Variants in EML4 observed in about 807,000 individuals in gnomAD.
EML4 encodes echinoderm microtubule-associated protein-like 4.
Under a neutral mutation model 129.0 loss-of-function variants are expected in EML4, and 72 were observed. The observed-to-expected ratio is 0.56, with a 90% confidence interval of 0.46 to 0.68. The LOEUF (loss-of-function observed/expected upper bound fraction) is 0.68. EML4 is among the 30% of genes least tolerant of loss of function. The pLI is 0.00. For missense variants in EML4, 1,363 were observed against 1,190.6 expected (o/e 1.14, Z -2.13); for synonymous variants, 532 against 405.0 (o/e 1.31, Z -3.77).
At chr2:42,198,955 G>A (rs570875859) in intron 1 of EML4, among the ~76,000 whole-genome samples, 1 of 152,296 alleles carries the variant, frequency 6.6e-6, no homozygotes, top group East Asian at 1.9e-4. Context: ...AGTGGTTTGG[G>A]AAGACCCAGG....
chr2:42,325,154 A>G (rs1669718825), intron 19 of EML4: 4 of 521,146 alleles, frequency 7.7e-6, no homozygotes, highest in South Asian at 1.4e-5. Context: ...GTGACGTGAA[A>G]TAAGGCCAGA....
chr2:42,174,591 C>G (rs1427161521), intron 1 of EML4, among the ~76,000 whole-genome samples: 1 of 152,060 alleles, frequency 6.6e-6, no homozygotes, highest in Non-Finnish European at 1.5e-5. Context: ...CTGTGCCTGA[C>G]CCTGTAGTAT....
At position 42,303,449 on chromosome 2, in the gene EML4, G is replaced by A; in HGVS notation, c.1899+3G>A. ...TGGAATGGACCAGGCTGGTAGATGT[G>A]AGTGAAGCAGGATGTGATTATTAAC... is the stretch of plus-strand genomic sequence containing the variant. On this transcript the variant is annotated splice_donor_region_variant and intron_variant, in intron 16 of 22. Coordinates refer to ENST00000318522, the MANE Select transcript of EML4 (RefSeq NM_019063.5). 1.2e-6 allele frequency: 2 copies of A among 1,612,950 alleles called. No individual in the cohort carries two copies. The highest frequency in any genetic ancestry group is 1.7e-6 in the Non-Finnish European group (2 of 1,179,356).
intron 8 of EML4, among the ~76,000 whole-genome samples, chr2:42,284,145 G>A (rs1222931155): frequency 6.6e-6 from 1 of 152,244 alleles, no homozygotes; most frequent in Non-Finnish European, 1.5e-5. Flanking sequence ...AAAGCACTAT[G>A]TGTGAAGATG....
intron 1 of EML4, among the ~76,000 whole-genome samples, chr2:42,241,193 G>GT (rs1159917215): frequency 6.6e-6 from 1 of 152,066 alleles, no homozygotes; most frequent in Non-Finnish European, 1.5e-5. Context: ...TTTAGTCAGT[G>GT]TAATACCAGA....
At chr2:42,278,936 G>GGA (rs1666844724) in intron 6 of EML4, among the ~76,000 whole-genome samples, 1 of 148,562 alleles carries the variant, frequency 6.7e-6, no homozygotes, top group African/African-American at 2.5e-5. Flanking sequence ...AACTCTCTTG[G>GGA]AAAAAAAAAA....
intron 17 of EML4, among the ~76,000 whole-genome samples, chr2:42,312,763 C>T (rs923221620): frequency 2.7e-5 from 4 of 150,782 alleles, no homozygotes; most frequent in East Asian, 2.0e-4. Flanking sequence ...CCTTGTTAGC[C>T]AGGGTGGGCT....
intron 17 of EML4, among the ~76,000 whole-genome samples, chr2:42,307,168 A>G (rs572337839): frequency 5.8e-4 from 88 of 152,358 alleles, no homozygotes; most frequent in African/African-American, 2.1e-3. Flanking sequence ...ACAAATAGAC[A>G]TACACGGCCC....
chr2:42,329,943 A>T lies in EML4; in HGVS notation c.2682A>T (p.Gln894His). The T allele has an allele frequency of 6.2e-7, 1 of 1,613,894 alleles. No homozygotes were observed. Among genetic ancestry groups the T allele is most frequent in the Non-Finnish European group, 8.5e-7 (1 of 1,179,974 alleles). ...TCTCTTCCACTGAAAGTGTCATCCA[A>T]TCTAATACTCCCACACCGCCTCCTT... ...APVSSTESVIQSNTPTPPPSQ... is the reference protein window; with the variant it reads ...APVSSTESVIHSNTPTPPPSQ... Residue 894 changes from glutamine to histidine, a missense_variant, in exon 23 of 23, where the codon CAA becomes CAT. Transcript: ENST00000318522.
At chr2:42,300,584 T>C (rs1421593902) in intron 13 of EML4, among the ~76,000 whole-genome samples, 1 of 152,190 alleles carries the variant, frequency 6.6e-6, no homozygotes, top group Non-Finnish European at 1.5e-5. Flanking sequence ...TCAAAAGCCA[T>C]CACTGCAGGT....
At position 42,329,796 on chromosome 2, in the gene EML4, T is replaced by A. The variant is rs780390775; in HGVS notation, c.2535T>A (p.Asn845Lys). Residue 845 changes from asparagine to lysine, a missense_variant, in exon 23 of 23, where the codon AAT becomes AAA. Transcript: ENST00000318522. ...SHVTNVSFTHNDSHLISTGGK... is the reference protein window; with the variant it reads ...SHVTNVSFTHKDSHLISTGGK... ...TCACCAATGTCAGTTTTACTCACAA[T>A]GACAGTCACCTGATATCAACTGGTG... 1.2e-6 allele frequency: 2 copies of A among 1,614,066 alleles called. No homozygotes were observed. Among genetic ancestry groups the A allele is most frequent in the African/African-American group, 2.7e-5 (2 of 74,918 alleles).
chr2:42,304,024 C>T (rs533590018), intron 16 of EML4, among the ~76,000 whole-genome samples: 36 of 152,172 alleles, frequency 2.4e-4, no homozygotes, highest in Non-Finnish European at 5.1e-4. Context: ...ATCTACATAG[C>T]ATTAATTATT....
rs373726079 is a variant in EML4 at position 42,255,385 on chromosome 2, A to G, written c.209-1116A>G. ...CAGGCTGAGCCACCGCGCCCAGCCA[A>G]TGGATACATGGTTTCTATTTGGGGT... is the stretch of plus-strand genomic sequence containing the variant. On this transcript the variant is annotated intron_variant, in intron 2 of 22. Coordinates refer to ENST00000318522, the MANE Select transcript of EML4 (RefSeq NM_019063.5). Among the ~76,000 whole-genome samples, 282 of 152,210 alleles carry G rather than the reference A, an allele frequency of 1.9e-3. 1 individual carries two copies. Among genetic ancestry groups the G allele is most frequent in the African/African-American group, 5.8e-3 (241 of 41,552 alleles).
chr2:42,327,157 G>A (rs915022612), intron 21 of EML4, among the ~76,000 whole-genome samples: 1 of 152,162 alleles, frequency 6.6e-6, no homozygotes, highest in Admixed American at 6.5e-5. Context: ...GTTTATCCAC[G>A]TTGTAGCATA....
intron 19 of EML4, among the ~76,000 whole-genome samples, chr2:42,324,349 C>T (rs1484646173): frequency 6.6e-6 from 1 of 152,108 alleles, no homozygotes; most frequent in Non-Finnish European, 1.5e-5. Context: ...GATACAGTGG[C>T]TCATGCCAGT....
chr2:42,209,175 G>C (rs926102581), intron 1 of EML4, among the ~76,000 whole-genome samples: 1 of 152,126 alleles, frequency 6.6e-6, no homozygotes, highest in Admixed American at 6.5e-5. Flanking sequence ...GGAAACTCAA[G>C]GCCCTATATA....
chr2:42,246,386 G>A (rs115431967), intron 2 of EML4, among the ~76,000 whole-genome samples: 11 of 152,152 alleles, frequency 7.2e-5, no homozygotes, highest in African/African-American at 1.9e-4. Context: ...GGGGATAGGC[G>A]TGATTATGCC....
At chr2:42,190,800 A>G (rs1303040703) in intron 1 of EML4, among the ~76,000 whole-genome samples, 4 of 152,242 alleles carry the variant, frequency 2.6e-5, no homozygotes, top group Admixed American at 6.5e-5. Flanking sequence ...TAAACAAATG[A>G]GCCTGCTTGT....
chr2:42,330,119 T>C lies in EML4; in HGVS notation c.2858T>C (p.Leu953Pro). The C allele has an allele frequency of 6.2e-7, 1 of 1,612,368 alleles. No homozygotes were observed. The highest frequency in any genetic ancestry group is 8.5e-7 in the Non-Finnish European group (1 of 1,179,726). Residue 953 changes from leucine (L) to proline (P), a missense_variant, in exon 23 of 23, where the codon CTT (leucine) becomes CCT (proline). Physicochemically the swap from Leu to Pro is moderately conservative, Grantham distance 98. Transcript: ENST00000318522. ...GGCAGCGGAGACCTTGGTGAGCCTC[T>C]TTATGAAGAGCCATGCAACGAGATA... ...EEGSGDLGEP[L>P]YEEPCNEISK... is the part of the protein sequence containing the mutation.
Sources: allele counts gnomAD v4.1 joint callset (sites outside exome capture counted in the v4.1 genomes callset), GRCh38; gene constraint gnomAD v4.1.1; transcripts MANE v1.5; gene names NCBI Gene and HGNC (gene_info 2026-07-23, HGNC 2026-07-21).